NAV3: variants seen among roughly 807,000 people sequenced by gnomAD.
NAV3 encodes neuron navigator 3.
Under a neutral mutation model 244.7 loss-of-function variants are expected in NAV3, and 87 were observed. The ratio of observed to expected loss-of-function variants is 0.36; its 90% CI spans 0.30 to 0.42. The LOEUF (loss-of-function observed/expected upper bound fraction) is 0.42. Ranked by LOEUF, NAV3 falls within the 20% of genes least tolerant of loss-of-function variation. NAV3 has a pLI of 1.00. For synonymous variants in NAV3, 1,126 were observed against 1,042.2 expected, an observed-to-expected ratio of 1.08 and a Z score of -1.55; for missense variants, 2,663 against 2,893.3, an observed-to-expected ratio of 0.92 and a Z score of 1.83.
chr12:77,747,623 G>A (rs1868617981), intron 2 of NAV3, among the ~76,000 whole-genome samples: 1 of 152,110 alleles, frequency 6.6e-6, no homozygotes, highest in Non-Finnish European at 1.5e-5. Flanking sequence ...GCAAAGACTT[G>A]GAACCAACCC....
intron 21 of NAV3, 106 bp downstream of exon 21, chr12:78,146,498 T>C (rs1028551851): frequency 5.6e-6 from 2 of 359,418 alleles, no homozygotes; most frequent in African/African-American, 4.2e-5. Context: ...ATAGCAGAAC[T>C]CCACAGGACT....
intron 2 of NAV3, among the ~76,000 whole-genome samples, chr12:77,578,997 A>G (rs1869224443): frequency 6.6e-6 from 1 of 152,080 alleles, no homozygotes; most frequent in African/African-American, 2.4e-5. Flanking sequence ...TTTTCTATTC[A>G]TTCCCCTCTT....
At chr12:77,673,283 T>C (rs2137083660) in intron 2 of NAV3, among the ~76,000 whole-genome samples, 1 of 152,274 alleles carries the variant, frequency 6.6e-6, no homozygotes, top group African/African-American at 2.4e-5. Context: ...ATGATCAGGT[T>C]GCATTGCAAG....
intron 12 of NAV3, among the ~76,000 whole-genome samples, chr12:78,071,406 T>A (rs1952758930): frequency 1.3e-5 from 2 of 152,090 alleles, no homozygotes; most frequent in South Asian, 4.2e-4. Flanking sequence ...GGTTGTTTGT[T>A]TTTTTTCTTG....
intron 12 of NAV3, among the ~76,000 whole-genome samples, chr12:78,083,268 A>G (rs67263536): frequency 0.14 from 20,578 of 152,088 alleles, 1,427 homozygotes; most frequent in African/African-American, 0.16. Flanking sequence ...ATCTATGAGT[A>G]GGTTGATACA....
At chr12:77,605,779 C>T (rs1161580489) in intron 2 of NAV3, among the ~76,000 whole-genome samples, 1 of 151,376 alleles carries the variant, frequency 6.6e-6, no homozygotes, top group Non-Finnish European at 1.5e-5. Flanking sequence ...GCAGAGGTTG[C>T]AGTGAGCTGA....
At position 77,844,165 on chromosome 12, in the gene NAV3, A is replaced by T. The variant is rs1876214089; in HGVS notation, c.243+12461A>T. ...ACAGTTCTGGAGCCTGGGATGTCTAAGATCGAGGTGACGGCAGGTTTGGTG... is the reference window on the plus strand; with the variant it reads ...ACAGTTCTGGAGCCTGGGATGTCTATGATCGAGGTGACGGCAGGTTTGGTG... On this transcript the variant is annotated intron_variant, in intron 1 of 39. Transcript: ENST00000397909. Among the ~76,000 whole-genome samples, 3 of 152,296 alleles carry T rather than the reference A, an allele frequency of 2.0e-5. 1 individual carries two copies. The highest frequency in any genetic ancestry group is 6.8e-3 in the Middle Eastern group (2 of 294).
intron 2 of NAV3, among the ~76,000 whole-genome samples, chr12:77,735,459 TTAAAGA>T (rs1206593334): frequency 1.2e-4 from 19 of 152,062 alleles, no homozygotes; most frequent in Non-Finnish European, 2.6e-4. Flanking sequence ...TTTGAACAAC[TTAAAGA>T]TAAGAAGAAA....
intron 3 of NAV3, among the ~76,000 whole-genome samples, chr12:77,954,589 T>C (rs1019776235): frequency 6.6e-6 from 1 of 152,202 alleles, no homozygotes; most frequent in Admixed American, 6.5e-5. Flanking sequence ...AATAGCATAC[T>C]TGCTTATGAC....
intron 28 of NAV3, 24 bp downstream of exon 28, chr12:78,177,709 A>G (rs757935242): frequency 2.3e-5 from 37 of 1,592,934 alleles, no homozygotes; most frequent in Non-Finnish European, 2.9e-5. Flanking sequence ...CGATGCATGA[A>G]TACTGCAAAG....
intron 2 of NAV3, among the ~76,000 whole-genome samples, chr12:77,714,576 C>T (rs1397465277): frequency 1.3e-5 from 2 of 152,124 alleles, no homozygotes; most frequent in Non-Finnish European, 2.9e-5. Flanking sequence ...AATAGGACCT[C>T]TCGTAAAAGG....
At chr12:77,607,364 C>T (rs1870715820) in intron 2 of NAV3, among the ~76,000 whole-genome samples, 1 of 152,032 alleles carries the variant, frequency 6.6e-6, no homozygotes, top group African/African-American at 2.4e-5. Context: ...AAGGGATGCA[C>T]TTTCTTTTGA....
chr12:78,081,978 A>G (rs973121647), intron 12 of NAV3, among the ~76,000 whole-genome samples: 1 of 152,192 alleles, frequency 6.6e-6, no homozygotes, highest in Non-Finnish European at 1.5e-5. Context: ...CTCATCTTGT[A>G]GTTCCCATAA....
intron 19 of NAV3, among the ~76,000 whole-genome samples, chr12:78,139,286 C>G (rs907752145): frequency 6.6e-6 from 1 of 152,104 alleles, no homozygotes; most frequent in African/African-American, 2.4e-5. Flanking sequence ...AAGCCTAGTG[C>G]AGCTATTCCA....
chr12:77,851,473 C>T (rs1877515089), intron 1 of NAV3, among the ~76,000 whole-genome samples: 1 of 152,112 alleles, frequency 6.6e-6, no homozygotes, highest in African/African-American at 2.4e-5. Flanking sequence ...ATTTGGAAAA[C>T]ACTTTTGTGC....
intron 1 of NAV3, 31 bp downstream of exon 1, chr12:77,831,735 G>A (rs2136081525): frequency 6.4e-7 from 1 of 1,561,538 alleles, no homozygotes; most frequent in Non-Finnish European, 8.6e-7. Flanking sequence ...GCAGACTTGT[G>A]TAGCTAAAAT....
chr12:78,040,445 C>T (rs1276097639), intron 9 of NAV3, among the ~76,000 whole-genome samples: 1 of 151,768 alleles, frequency 6.6e-6, no homozygotes, highest in African/African-American at 2.4e-5. Flanking sequence ...TCTAAGATAC[C>T]TGTTGGATTG....
intron 2 of NAV3, among the ~76,000 whole-genome samples, chr12:77,732,122 C>A (rs76804708): frequency 0.011 from 1,656 of 152,100 alleles, 41 homozygotes; most frequent in African/African-American, 0.038. Flanking sequence ...AATTTATGTT[C>A]TTTTTCTTCA....
Position 78,128,795 on chromosome 12 carries a change from A to G in NAV3, c.4370A>G (p.Asn1457Ser), listed in dbSNP as rs2138853157. Residue 1457 changes from asparagine (N) to serine (S), a missense_variant, in exon 18 of 40, where the codon AAC (asparagine) becomes AGC (serine). By Grantham distance (46) the Asn-to-Ser change is conservative. Transcript: ENST00000397909. ...ACTGGAGGGCTTCAGGACACTGGCA[A>G]CCAGTCACCTCTGGTTTCCCCTTCT... ...HSTGGLQDTGNQSPLVSPSAM... is the reference protein window; with the variant it reads ...HSTGGLQDTGSQSPLVSPSAM... 2 of 1,614,118 alleles carry G rather than the reference A, an allele frequency of 1.2e-6. No individual in the cohort carries two copies. Among genetic ancestry groups the G allele is most frequent in the Non-Finnish European group, 1.7e-6 (2 of 1,179,986 alleles).
Sources: gnomAD v4.1 joint callset for allele counts (sites outside exome capture counted in the v4.1 genomes callset) on GRCh38, gnomAD v4.1.1 for gene constraint, MANE v1.5 for transcripts, NCBI Gene and HGNC (gene_info 2026-07-23, HGNC 2026-07-21) for gene names.